SDK2: variants seen among roughly 807,000 people sequenced by gnomAD.
SDK2 encodes protein sidekick-2.
In SDK2, 105 loss-of-function variants were observed where a neutral mutation model predicts 253.9. That is an observed-to-expected ratio of 0.41 (90% CI 0.35 to 0.49). The LOEUF is 0.49. Ranked by LOEUF, SDK2 falls within the 20% of genes least tolerant of loss-of-function variation. The pLI is 0.06. For synonymous variants in SDK2, 1,249 were observed against 1,234.9 expected, an observed-to-expected ratio of 1.01 and a Z score of -0.24; for missense variants, 2,608 against 3,003.0, an observed-to-expected ratio of 0.87 and a Z score of 3.07.
At chr17:73,556,471 G>A (rs766852520) in intron 1 of SDK2, among the ~76,000 whole-genome samples, 81 of 152,222 alleles carry the variant, frequency 5.3e-4, no homozygotes, top group Non-Finnish European at 1.0e-3. Context: ...CCATCTGGGC[G>A]ATGCTCACTG....
At chr17:73,351,752 G>A (rs2062540577) in intron 41 of SDK2, among the ~76,000 whole-genome samples, 1 of 152,178 alleles carries the variant, frequency 6.6e-6, no homozygotes, top group Non-Finnish European at 1.5e-5. Flanking sequence ...GTGTGGACAA[G>A]AGATGGGCTC....
At position 73,626,664 on chromosome 17, in the gene SDK2, G is replaced by A. The variant is rs116418245; in HGVS notation, c.64+17361C>T. On this transcript the variant is annotated intron_variant, in intron 1 of 44. Transcript: ENST00000392650. ...TCCTGTGCCCAGAAGACAGGTGCTGGCATCAGACAGGGCTGAGGAAGGAAT... is the reference window on the plus strand; with the variant it reads ...TCCTGTGCCCAGAAGACAGGTGCTGACATCAGACAGGGCTGAGGAAGGAAT... Among the ~76,000 whole-genome samples the A allele has an allele frequency of 7.4e-3, 1,127 of 152,328 alleles. 14 individuals carry two copies. The highest frequency in any genetic ancestry group is 0.026 in the African/African-American group (1,097 of 41,576).
chr17:73,480,304 A>G (rs969699626), intron 2 of SDK2, among the ~76,000 whole-genome samples: 1 of 152,206 alleles, frequency 6.6e-6, no homozygotes, highest in African/African-American at 2.4e-5. Context: ...AGAAGAGGAT[A>G]GTTCGGCTGT....
chr17:73,466,689 G>A (rs1401139549), intron 3 of SDK2, among the ~76,000 whole-genome samples: 1 of 146,164 alleles, frequency 6.8e-6, no homozygotes, highest in African/African-American at 2.6e-5. Context: ...ACAGCAGGAT[G>A]GATCATTTTG....
intron 9 of SDK2, 66 bp from the exon 10 acceptor site, chr17:73,433,914 G>T (rs2063347792): frequency 5.9e-6 from 7 of 1,186,736 alleles, no homozygotes; most frequent in Non-Finnish European, 8.1e-6. Flanking sequence ...CAGAGGGCCA[G>T]GGGCCTCCAA....
In SDK2 at chr17:73,481,610, C is replaced by A. The variant is rs1339256063; in HGVS notation, c.225-9392G>T. ...CTCCCCTCGCAGGACGTAGCCGGATCCCTCACCAACGCAGGACGGAACCAT... is the reference window on the plus strand; with the variant it reads ...CTCCCCTCGCAGGACGTAGCCGGATACCTCACCAACGCAGGACGGAACCAT... On this transcript the variant is annotated intron_variant, in intron 2 of 44. Coordinates refer to ENST00000392650, the MANE Select transcript of SDK2 (RefSeq NM_001144952.2). This position sits in a 1 kb window ranked among gnomAD's most constrained non-coding sequence, Gnocchi z 4.5. Among the ~76,000 whole-genome samples, 1 of 152,110 alleles carries A rather than the reference C, an allele frequency of 6.6e-6. No individual in the cohort carries two copies. Among genetic ancestry groups the A allele is most frequent in the Non-Finnish European group, 1.5e-5 (1 of 68,020 alleles).
chr17:73,415,710 A>G, intron 17 of SDK2, 101 bp downstream of exon 17: 1 of 1,114,888 alleles, frequency 9.0e-7, no homozygotes, highest in Non-Finnish European at 1.3e-6. Flanking sequence ...GCTGGCTTAA[A>G]ACTCCTGGGC....
intron 31 of SDK2, 28 bp downstream of exon 31, chr17:73,386,417 G>C (rs544635980): frequency 1.8e-5 from 26 of 1,449,888 alleles, no homozygotes; most frequent in Middle Eastern, 3.4e-4. Context: ...TGGGCTGAGA[G>C]AGAGACTGCT....
chr17:73,477,438 A>G (rs994044378), intron 2 of SDK2, among the ~76,000 whole-genome samples: 16 of 152,320 alleles, frequency 1.1e-4, no homozygotes, highest in African/African-American at 3.8e-4. Context: ...CTTCCACCTC[A>G]GGGGGACTTA....
intron 1 of SDK2, among the ~76,000 whole-genome samples, chr17:73,614,445 CTG>C (rs1278157915): frequency 6.6e-6 from 1 of 151,278 alleles, no homozygotes; most frequent in African/African-American, 2.4e-5. Context: ...CCCTAGATGA[CTG>C]TGAGTCAGGC....
At position 73,612,242 on chromosome 17, in the gene SDK2, C is replaced by T. The variant is rs560870296; in HGVS notation, c.64+31783G>A. Among the ~76,000 whole-genome samples the T allele has an allele frequency of 3.3e-5, 5 of 151,622 alleles. No homozygotes were observed. The highest frequency in any genetic ancestry group is 5.9e-5 in the Non-Finnish European group (4 of 67,868). ...ACCCGGGCTGCAGGCCGGCCCCCCA[C>T]GGTCCCCCACCCTCACGGGGTCCCT... On this transcript the variant is annotated intron_variant, in intron 1 of 44. Transcript: ENST00000392650. The surrounding 1 kb of genome is among the most constrained non-coding windows in gnomAD (Gnocchi z 4.4).
At chr17:73,515,680 A>T (rs932914344) in intron 1 of SDK2, among the ~76,000 whole-genome samples, 4 of 152,204 alleles carry the variant, frequency 2.6e-5, no homozygotes, top group Non-Finnish European at 5.9e-5. Context: ...CTTGGGAAGA[A>T]GGGGCTAAGC....
intron 2 of SDK2, among the ~76,000 whole-genome samples, chr17:73,489,144 G>A (rs2063788299): frequency 6.6e-6 from 1 of 152,176 alleles, no homozygotes; most frequent in Admixed American, 6.5e-5. Context: ...TGTGGTATCA[G>A]CAGCTGCTTG....
intron 2 of SDK2, among the ~76,000 whole-genome samples, chr17:73,494,107 A>G (rs1026364597): frequency 1.2e-4 from 18 of 152,198 alleles, no homozygotes; most frequent in African/African-American, 3.9e-4. Flanking sequence ...GACCAGGGAA[A>G]TGACACTGAG....
rs2062405518 is a variant in SDK2 at position 73,338,812 on chromosome 17, C to T, written c.6294G>A (p.Gln2098=). The T allele has an allele frequency of 6.2e-7, 1 of 1,613,968 alleles. No individual in the cohort carries two copies. The highest frequency in any genetic ancestry group is 2.2e-5 in the East Asian group (1 of 44,880). The change falls in exon 45 of 45, where the codon CAG becomes CAA. Residue 2098 remains glutamine, a synonymous_variant. Transcript: ENST00000392650. This position sits in a 1 kb window ranked among gnomAD's most constrained non-coding sequence, Gnocchi z 5.0. ...AGTCGCTCTCCGTGTAGCTGTAGGC[C>T]TGTGCCCTCGAGATGCCCTTCTGCT... The part of the protein sequence containing the change: ...RRQQKGISRA[Q]AYSYTESDSG...
intron 1 of SDK2, among the ~76,000 whole-genome samples, chr17:73,547,479 C>A (rs1318353824): frequency 6.6e-6 from 1 of 152,238 alleles, no homozygotes; most frequent in Non-Finnish European, 1.5e-5. Flanking sequence ...ACGTTGCCAG[C>A]TCAATAGGGC....
chr17:73,346,624 A>G (rs1161864955), intron 44 of SDK2, among the ~76,000 whole-genome samples: 2 of 152,144 alleles, frequency 1.3e-5, no homozygotes, highest in Non-Finnish European at 2.9e-5. Flanking sequence ...GCTGAATTAT[A>G]GCCTTTCTCA....
intron 3 of SDK2, among the ~76,000 whole-genome samples, chr17:73,471,279 A>T (rs1407846000): frequency 6.6e-6 from 1 of 152,156 alleles, no homozygotes; most frequent in African/African-American, 2.4e-5. Context: ...TTATCACTCC[A>T]GGGTTGAGCG....
chr17:73,358,467 G>A lies in SDK2; in HGVS notation c.5468-263C>T, dbSNP rs545209372. On this transcript the variant is annotated intron_variant, in intron 39 of 44. Transcript: ENST00000392650. ...AATGGAATGGTCCAGAAAGGTCCCT[G>A]GAGTAGAGCCAGGAGACCTGGGTTC... is the stretch of plus-strand genomic sequence containing the variant. 2.6e-5 allele frequency among the ~76,000 whole-genome samples: 4 copies of A among 152,320 alleles called. No homozygotes were observed. In the South Asian group the frequency reaches 8.3e-4, roughly 32 times the overall value.
Sources: gnomAD v4.1 joint callset for allele counts (sites outside exome capture counted in the v4.1 genomes callset) on GRCh38, gnomAD v4.1.1 for gene constraint, Gnocchi (gnomAD v3.1) non-coding constraint, MANE v1.5 for transcripts, NCBI Gene and HGNC (gene_info 2026-07-23, HGNC 2026-07-21) for gene names.